Variants in CTNNA3 observed in about 807,000 individuals in gnomAD.
CTNNA3 encodes catenin alpha-3.
Under a neutral mutation model 95.7 loss-of-function variants are expected in CTNNA3, and 76 were observed. The observed-to-expected ratio is 0.79, with a 90% CI of 0.66 to 0.96. CTNNA3 has a LOEUF of 0.96. Ranked by LOEUF, CTNNA3 falls within the 40% of genes least tolerant of loss-of-function variation. The pLI is 0.00. For missense variants in CTNNA3, 1,191 were observed against 1,089.8 expected (o/e 1.09, Z -1.31); for synonymous variants, 431 against 374.4 (o/e 1.15, Z -1.74).
intron 12 of CTNNA3, among the ~76,000 whole-genome samples, chr10:66,361,063 C>G (rs943880247): frequency 6.6e-6 from 1 of 151,042 alleles, no homozygotes. Flanking sequence ...CTCAAGTGAT[C>G]CTCCTACCTC....
At chr10:66,713,504 C>T (rs1243531418) in intron 9 of CTNNA3, among the ~76,000 whole-genome samples, 2 of 102,682 alleles carry the variant, frequency 1.9e-5, no homozygotes, top group Non-Finnish European at 4.0e-5. Flanking sequence ...ATGAAAATGT[C>T]ACCTAGAGTT....
intron 5 of CTNNA3, among the ~76,000 whole-genome samples, chr10:67,438,681 C>T (rs191250279): frequency 6.6e-6 from 1 of 152,250 alleles, no homozygotes; most frequent in African/African-American, 2.4e-5. Flanking sequence ...TGGTGCCACC[C>T]CTCCCCAATC....
chr10:66,319,531 G>T (rs182426876), intron 12 of CTNNA3, among the ~76,000 whole-genome samples: 1 of 152,156 alleles, frequency 6.6e-6, no homozygotes, highest in East Asian at 1.9e-4. Context: ...GCAACACTTT[G>T]CCTTTTGCTT....
In CTNNA3 at chr10:67,237,126, GTATATATATATATATATATA is replaced by G. The variant is rs59511861; in HGVS notation, c.580-17276_580-17257del. Reference sequence around the variant, plus strand: ...AGTGGATAAAGAAACTATGGTGTATGTATATATATATATATATATATATATATATATATATATATATATAT... The same window carrying G: ...AGTGGATAAAGAAACTATGGTGTATGTATATATATATATATATATATATAT... On this transcript the variant is annotated intron_variant, in intron 5 of 17. Transcript: ENST00000433211. 3.0e-4 allele frequency among the ~76,000 whole-genome samples: 12 copies of G among 39,846 alleles called. 1 individual carries two copies. The highest frequency in any genetic ancestry group is 1.0e-3 in the African/African-American group (10 of 9,666). 26.1% of individuals were successfully genotyped at this position (39,846 alleles called of 152,430 possible).
chr10:67,626,180 CAAAAAAA>C (rs59942742), intron 2 of CTNNA3, among the ~76,000 whole-genome samples: 1 of 126,972 alleles, frequency 7.9e-6, no homozygotes, highest in Non-Finnish European at 1.8e-5. Context: ...AACCCTGTCT[CAAAAAAA>C]AAAAAAAAAG....
At chr10:65,990,269 G>A (rs959010341) in intron 15 of CTNNA3, among the ~76,000 whole-genome samples, 2 of 151,764 alleles carry the variant, frequency 1.3e-5, no homozygotes, top group African/African-American at 2.4e-5. Flanking sequence ...TAGATCATAC[G>A]TTAGTACTAC....
intron 11 of CTNNA3, among the ~76,000 whole-genome samples, chr10:66,473,386 T>A (rs952686663): frequency 6.6e-6 from 1 of 151,950 alleles, no homozygotes; most frequent in African/African-American, 2.4e-5. Flanking sequence ...CCTGCCGACA[T>A]GTGAAGAAGG....
rs541308021 is a variant in CTNNA3, at chr10:67,629,810, T to C, written c.99+17605A>G. 2.6e-5 allele frequency among the ~76,000 whole-genome samples: 4 copies of C among 152,318 alleles called. No individual in the cohort carries two copies. The South Asian group carries it at 8.3e-4, about 32-fold the overall frequency. ...CCCTGGCAACTAGGTAATCTTATTG[T>C]TCCTGAACAGCAGGAGTTTGTGAAT... On this transcript the variant is annotated intron_variant, in intron 2 of 17. Coordinates refer to ENST00000433211, the MANE Select transcript of CTNNA3 (RefSeq NM_013266.4).
chr10:66,815,517 A>T (rs1842042224), intron 7 of CTNNA3, among the ~76,000 whole-genome samples: 1 of 152,034 alleles, frequency 6.6e-6, no homozygotes, highest in African/African-American at 2.4e-5. Context: ...TCTTTATTTG[A>T]CACGATTTGA....
At chr10:67,181,694 C>T (rs916105219) in intron 6 of CTNNA3, among the ~76,000 whole-genome samples, 1 of 149,706 alleles carries the variant, frequency 6.7e-6, no homozygotes, top group African/African-American at 2.5e-5. Flanking sequence ...TATATAAAAT[C>T]TTATACTTAT....
rs536070806 is a variant in CTNNA3 at position 65,920,301 on chromosome 10, A to C, written c.*29T>G. On this transcript the variant is annotated 3_prime_UTR_variant, in exon 18 of 18. Transcript: ENST00000433211. Reference sequence around the variant, plus strand: ...CAGTGTGGTTAGGCAGGATTTTGTCATATAGGCACTATATGTAGAATAGTG... The same window carrying C: ...CAGTGTGGTTAGGCAGGATTTTGTCCTATAGGCACTATATGTAGAATAGTG... 1 of 1,578,932 alleles carries C rather than the reference A, an allele frequency of 6.3e-7. No individual in the cohort carries two copies. Among genetic ancestry groups the C allele is most frequent in the African/African-American group, 1.4e-5 (1 of 73,450 alleles).
At chr10:66,711,251 C>CAAAAAAAA (rs1283442318) in intron 9 of CTNNA3, among the ~76,000 whole-genome samples, 1 of 21,402 alleles carries the variant, frequency 4.7e-5, no homozygotes. Flanking sequence ...TCACCGTGAA[C>CAAAAAAAA]AAGAAACAAA....
intron 9 of CTNNA3, among the ~76,000 whole-genome samples, chr10:66,735,432 A>G (rs558548519): frequency 6.6e-6 from 1 of 152,032 alleles, no homozygotes; most frequent in African/African-American, 2.4e-5. Context: ...CAATTTAGGT[A>G]GTGTATATTT....
intron 1 of CTNNA3, among the ~76,000 whole-genome samples, chr10:67,713,119 T>C (rs1169593663): frequency 6.6e-6 from 1 of 151,926 alleles, no homozygotes; most frequent in Non-Finnish European, 1.5e-5. Context: ...AAAAAGTGGA[T>C]GAAGGATATG....
At chr10:67,757,024 T>A (rs1233053947) in intron 1 of CTNNA3, among the ~76,000 whole-genome samples, 1 of 152,214 alleles carries the variant, frequency 6.6e-6, no homozygotes. Flanking sequence ...AAAAAGATAA[T>A]TATCATATAT....
At chr10:67,312,794 G>C (rs1834881267) in intron 5 of CTNNA3, among the ~76,000 whole-genome samples, 1 of 152,124 alleles carries the variant, frequency 6.6e-6, no homozygotes, top group Admixed American at 6.5e-5. Flanking sequence ...ATAAATGACT[G>C]GCCTGAATCA....
chr10:66,578,180 C>G (rs1843065399), intron 10 of CTNNA3, among the ~76,000 whole-genome samples: 1 of 151,950 alleles, frequency 6.6e-6, no homozygotes, highest in Non-Finnish European at 1.5e-5. Flanking sequence ...ATTTTATACT[C>G]TGAAACTTTA....
intron 7 of CTNNA3, among the ~76,000 whole-genome samples, chr10:66,836,554 A>T (rs1367332029): frequency 1.3e-5 from 2 of 152,160 alleles, no homozygotes; most frequent in Non-Finnish European, 2.9e-5. Context: ...GGCAAAATAT[A>T]AAAGCTGTAT....
At chr10:67,518,247 A>G (rs1262006178) in intron 5 of CTNNA3, among the ~76,000 whole-genome samples, 2 of 152,142 alleles carry the variant, frequency 1.3e-5, no homozygotes, top group Non-Finnish European at 2.9e-5. Context: ...ACACAAATAA[A>G]AGCTAAGAAT....
Sources: allele counts gnomAD v4.1 joint callset (sites outside exome capture counted in the v4.1 genomes callset), GRCh38; gene constraint gnomAD v4.1.1; transcripts MANE v1.5; gene names NCBI Gene and HGNC (gene_info 2026-07-23, HGNC 2026-07-21).